ACOXL: variants seen among roughly 807,000 people sequenced by gnomAD.
The protein encoded by ACOXL is acyl-CoA oxidase like.
A neutral mutation model predicts 71.9 loss-of-function variants in ACOXL; 70 were observed. The ratio of observed to expected loss-of-function variants is 0.97; its 90% CI spans 0.80 to 1.19. The LOEUF is 1.19. ACOXL is among the 50% of genes most tolerant of loss of function. The pLI is 0.00. For missense variants in ACOXL, 703 were observed against 736.3 expected, an observed-to-expected ratio of 0.95 and a Z score of 0.52; for synonymous variants, 253 against 281.6, an observed-to-expected ratio of 0.90 and a Z score of 1.02.
At chr2:110,789,218 C>T (rs1209341621) in intron 3 of ACOXL, among the ~76,000 whole-genome samples, 1 of 152,164 alleles carries the variant, frequency 6.6e-6, no homozygotes, top group Non-Finnish European at 1.5e-5. Context: ...TTTATTGGTG[C>T]TTTGAATCCC....
At chr2:110,733,529 G>A (rs56260092) in intron 1 of ACOXL, among the ~76,000 whole-genome samples, 6,381 of 152,196 alleles carry the variant, frequency 0.042, 198 homozygotes, top group African/African-American at 0.07. Flanking sequence ...ATGCTTTGGA[G>A]TTCTAGCTTA....
intron 10 of ACOXL, among the ~76,000 whole-genome samples, chr2:110,899,748 T>C (rs1156924329): frequency 6.6e-6 from 1 of 152,188 alleles, no homozygotes; most frequent in Non-Finnish European, 1.5e-5. Flanking sequence ...AAAAAAAATC[T>C]CAAGGAATCA....
At chr2:110,954,162 C>T (rs1171114010) in intron 12 of ACOXL, among the ~76,000 whole-genome samples, 1 of 152,122 alleles carries the variant, frequency 6.6e-6, no homozygotes, top group East Asian at 1.9e-4. Context: ...TGTATTTTGT[C>T]TAATATTAAC....
chr2:110,941,461 A>G (rs939708175), intron 12 of ACOXL, among the ~76,000 whole-genome samples: 8 of 152,364 alleles, frequency 5.3e-5, no homozygotes, highest in African/African-American at 1.7e-4. Context: ...TTGCAGCTCC[A>G]TCTTTCAGGC....
intron 17 of ACOXL, among the ~76,000 whole-genome samples, chr2:111,117,032 G>T (rs1346819682): frequency 9.2e-5 from 14 of 152,226 alleles, no homozygotes; most frequent in Admixed American, 9.2e-4. Context: ...GGCGGAAGAT[G>T]CCTAGCATTG....
At chr2:110,849,218 C>T (rs1692295920) in intron 10 of ACOXL, among the ~76,000 whole-genome samples, 1 of 152,106 alleles carries the variant, frequency 6.6e-6, no homozygotes, top group Non-Finnish European at 1.5e-5. Context: ...CTGTTCCCTC[C>T]ACAAGTGCCC....
intron 16 of ACOXL, among the ~76,000 whole-genome samples, chr2:111,084,256 AAT>A (rs1192450475): frequency 9.5e-6 from 1 of 104,824 alleles, no homozygotes; most frequent in Non-Finnish European, 1.9e-5. Context: ...AGATCTAAGG[AAT>A]ACACACACAC....
intron 12 of ACOXL, among the ~76,000 whole-genome samples, chr2:110,953,344 A>G (rs990871454): frequency 3.4e-4 from 52 of 151,700 alleles, no homozygotes; most frequent in Middle Eastern, 3.4e-3. Flanking sequence ...ATATATATAT[A>G]TATTTCAATT....
At chr2:110,915,421 TATA>T (rs1286755753) in intron 11 of ACOXL, among the ~76,000 whole-genome samples, 1,951 of 132,152 alleles carry the variant, frequency 0.015, 92 homozygotes, top group African/African-American at 0.057. Flanking sequence ...TATATATATA[TATA>T]TATATTTTTT....
intron 10 of ACOXL, among the ~76,000 whole-genome samples, chr2:110,867,516 T>C (rs1694755492): frequency 6.6e-6 from 1 of 152,164 alleles, no homozygotes. Flanking sequence ...GACTGCTGAA[T>C]GGTGTCTTGG....
chr2:110,820,011 T>A (rs914577785), intron 9 of ACOXL, among the ~76,000 whole-genome samples: 4 of 152,180 alleles, frequency 2.6e-5, no homozygotes, highest in African/African-American at 7.2e-5. Context: ...GAGCTTGATA[T>A]CATTGTAAGT....
In ACOXL at chr2:110,906,773, A is replaced by G. The variant is rs192733679; in HGVS notation, c.789-2016A>G. On this transcript the variant is annotated intron_variant, in intron 10 of 17. Coordinates refer to ENST00000439055, the MANE Select transcript of ACOXL (RefSeq NM_001142807.4). ...GTGCCGCCTTTTCTGGGTTTTCTCC[A>G]TGTCCCAGGCTCTGGGCTCAGTGGC... 3.6e-3 allele frequency among the ~76,000 whole-genome samples: 544 copies of G among 152,212 alleles called. 9 individuals carry two copies. The highest frequency in any genetic ancestry group is 0.012 in the African/African-American group (517 of 41,534).
chr2:110,967,725 C>T (rs965849025), intron 12 of ACOXL: 32 of 457,114 alleles, frequency 7.0e-5, no homozygotes, highest in Middle Eastern at 1.2e-3. Flanking sequence ...CAATGGTTAA[C>T]ACAACTACTA....
intron 12 of ACOXL, among the ~76,000 whole-genome samples, chr2:110,957,540 C>CAGAA (rs977188294): frequency 3.3e-5 from 5 of 152,178 alleles, no homozygotes; most frequent in African/African-American, 7.2e-5. Flanking sequence ...GGGTTGGTCT[C>CAGAA]TTCTGAGGCT....
chr2:111,018,062 A>C (rs1337601406), intron 14 of ACOXL: 2 of 152,212 alleles, frequency 1.3e-5, no homozygotes, highest in South Asian at 2.1e-4. Context: ...GCTAAATAAA[A>C]AATTAAGGAA....
intron 14 of ACOXL, among the ~76,000 whole-genome samples, chr2:111,000,125 A>G (rs149323347): frequency 1.3e-3 from 195 of 152,318 alleles, no homozygotes; most frequent in African/African-American, 4.3e-3. Flanking sequence ...TACCTTGACG[A>G]AATTATTACC....
At chr2:111,102,321 T>C (rs545974658) in intron 17 of ACOXL, among the ~76,000 whole-genome samples, 1 of 152,224 alleles carries the variant, frequency 6.6e-6, no homozygotes, top group Non-Finnish European at 1.5e-5. Flanking sequence ...GCAATCCCTG[T>C]TTCCTCATGG....
At chr2:111,111,224 C>T (rs1198891687) in intron 17 of ACOXL, among the ~76,000 whole-genome samples, 1 of 152,036 alleles carries the variant, frequency 6.6e-6, no homozygotes, top group South Asian at 2.1e-4. Context: ...GTCAGCCTCC[C>T]GCATAGCTAG....
In ACOXL at chr2:111,044,045, A is replaced by T. The variant is rs192119283; in HGVS notation, c.1370-5173A>T. Among the ~76,000 whole-genome samples the T allele has an allele frequency of 2.2e-4, 33 of 152,182 alleles. No individual in the cohort carries two copies. The East Asian group carries it at 4.8e-3, about 22-fold the overall frequency. On this transcript the variant is annotated intron_variant, in intron 15 of 17. Coordinates refer to ENST00000439055, the MANE Select transcript of ACOXL (RefSeq NM_001142807.4). ...GCTTACAACATGTTGAAGAAAATCT[A>T]CTCTGCCCTCCTGCCCTGACAAATG...
Sources: gnomAD v4.1 joint callset for allele counts (sites outside exome capture counted in the v4.1 genomes callset) on GRCh38, gnomAD v4.1.1 for gene constraint, MANE v1.5 for transcripts, NCBI Gene and HGNC (gene_info 2026-07-23, HGNC 2026-07-21) for gene names.